UNC5B: variants seen among roughly 807,000 people sequenced by gnomAD.
The protein encoded by UNC5B is netrin receptor UNC5B.
UNC5B carries 56 observed loss-of-function variants against 103.7 expected under a neutral mutation model. The observed-to-expected ratio is 0.54, with a 90% confidence interval of 0.44 to 0.67. The LOEUF (loss-of-function observed/expected upper bound fraction) is 0.67. Among genes scored for constraint, UNC5B ranks in the 30% least tolerant of loss-of-function variants. The pLI, the probability that UNC5B is intolerant of heterozygous loss-of-function variation, is 0.00. For synonymous variants in UNC5B, 577 were observed against 542.0 expected (o/e 1.06, Z -0.90); for missense variants, 1,194 against 1,284.5 (o/e 0.93, Z 1.08).
At chr10:71,258,644 G>A (rs1425462593) in intron 1 of UNC5B, among the ~76,000 whole-genome samples, 3 of 152,222 alleles carry the variant, frequency 2.0e-5, no homozygotes, top group African/African-American at 7.2e-5. Flanking sequence ...GAAGGGACTT[G>A]TCCAAGGTCA....
intron 1 of UNC5B, among the ~76,000 whole-genome samples, chr10:71,214,273 G>A (rs1240250532): frequency 6.6e-6 from 1 of 151,742 alleles, no homozygotes; most frequent in Non-Finnish European, 1.5e-5. Flanking sequence ...CATAGCCAAA[G>A]ATTCCTCATT....
intron 1 of UNC5B, among the ~76,000 whole-genome samples, chr10:71,271,773 A>G (rs894936447): frequency 2.6e-5 from 4 of 152,200 alleles, no homozygotes; most frequent in African/African-American, 9.7e-5. Flanking sequence ...CCCCTTCAGG[A>G]TGCAGGCCCC....
At chr10:71,224,359 A>T (rs1843514826) in intron 1 of UNC5B, among the ~76,000 whole-genome samples, 1 of 137,526 alleles carries the variant, frequency 7.3e-6, no homozygotes, top group South Asian at 2.5e-4. Flanking sequence ...CCACTTCTGT[A>T]TGTAGACACA....
intron 1 of UNC5B, among the ~76,000 whole-genome samples, chr10:71,223,248 G>A (rs140832353): frequency 2.7e-4 from 41 of 152,332 alleles, no homozygotes; most frequent in African/African-American, 9.4e-4. Flanking sequence ...CTGGCACCCA[G>A]AAGGTACTGA....
intron 2 of UNC5B, among the ~76,000 whole-genome samples, chr10:71,283,680 G>A (rs576819922): frequency 6.6e-5 from 10 of 152,196 alleles, no homozygotes; most frequent in Non-Finnish European, 1.3e-4. Flanking sequence ...TCAGATGAAT[G>A]TCCCCTTTCC....
Position 71,297,895 on chromosome 10 carries a change from C to T in UNC5B, c.2491-14C>T. 1 of 1,606,320 alleles carries T rather than the reference C, an allele frequency of 6.2e-7. No homozygotes were observed. Among genetic ancestry groups the T allele is most frequent in the Non-Finnish European group, 8.5e-7 (1 of 1,176,606 alleles). On this transcript the variant is annotated splice_polypyrimidine_tract_variant and intron_variant, in intron 15 of 16. Coordinates refer to ENST00000335350, the MANE Select transcript of UNC5B (RefSeq NM_170744.5). ...GCACTGTGCCCCTCTCACTCTTGGC[C>T]CCCACCCTTGCAGACACCTGCTGGC...
At chr10:71,248,536 G>A (rs1324241011) in intron 1 of UNC5B, among the ~76,000 whole-genome samples, 1 of 152,116 alleles carries the variant, frequency 6.6e-6, no homozygotes, top group Non-Finnish European at 1.5e-5. Context: ...TGGGCCTAAA[G>A]GGCTTCAATT....
rs1370088812 is a variant in UNC5B, at chr10:71,297,004, C to T, written c.2490+262C>T. 2.9e-5 allele frequency among the ~76,000 whole-genome samples: 4 copies of T among 138,024 alleles called. 1 individual carries two copies. The highest frequency in any genetic ancestry group is 1.1e-4 in the African/African-American group (4 of 37,474). The allele number at this position is 138,024 out of a possible 152,430, so 90.5% of individuals were successfully genotyped here. On this transcript the variant is annotated intron_variant, in intron 15 of 16. Coordinates refer to ENST00000335350, the MANE Select transcript of UNC5B (RefSeq NM_170744.5). Reference sequence around the variant, plus strand: ...CACTCTGGTGGAGGTGAGGGAAGGGCGGCCAGATATTCCGGCTGCACAGCA... The same window carrying T: ...CACTCTGGTGGAGGTGAGGGAAGGGTGGCCAGATATTCCGGCTGCACAGCA...
intron 8 of UNC5B, among the ~76,000 whole-genome samples, chr10:71,289,378 G>A (rs922518507): frequency 3.3e-5 from 5 of 152,240 alleles, no homozygotes; most frequent in East Asian, 3.9e-4. Flanking sequence ...GGCCAAGGCC[G>A]GGACATCACC....
At chr10:71,284,625 T>A (rs10823716) in intron 2 of UNC5B, 95 bp from the exon 3 acceptor site, 1,460,505 of 1,561,944 alleles carry the variant, frequency 0.94, 683,153 homozygotes, top group Middle Eastern at 0.98. Context: ...TGGGCAAGAG[T>A]GCCAGCAGGA....
At position 71,286,708 on chromosome 10, in the gene UNC5B, A is replaced by G. The variant is rs200281596; in HGVS notation, c.572A>G (p.Glu191Gly). ...PVAEVEWLKN[E>G]DVIDPTQDTN... ...TTGCAGGTGGAATGGCTCAAGAATG[A>G]GGATGTCATCGACCCCACCCAGGAC... Residue 191 changes from glutamate (E) to glycine (G), a missense_variant, in exon 5 of 17, where the codon GAG becomes GGG. Coordinates refer to ENST00000335350, the MANE Select transcript of UNC5B (RefSeq NM_170744.5). The G allele has an allele frequency of 3.4e-5, 55 of 1,614,160 alleles. 1 individual carries two copies. The East Asian group carries it at 1.2e-3, about 35-fold the overall frequency.
intron 1 of UNC5B, among the ~76,000 whole-genome samples, chr10:71,248,865 TCTCA>T (rs1467082034): frequency 0.065 from 9,312 of 143,022 alleles, 347 homozygotes; most frequent in Non-Finnish European, 0.092. Context: ...TCTCTCTCTC[TCTCA>T]CACACACACA....
intron 1 of UNC5B, among the ~76,000 whole-genome samples, chr10:71,216,424 T>C (rs1564702317): frequency 1.3e-5 from 2 of 151,682 alleles, no homozygotes; most frequent in African/African-American, 2.4e-5. Context: ...AGGTCAGGAG[T>C]GAAGCTCTGA....
At chr10:71,257,799 C>T (rs1314777453) in intron 1 of UNC5B, among the ~76,000 whole-genome samples, 1 of 152,252 alleles carries the variant, frequency 6.6e-6, no homozygotes, top group Non-Finnish European at 1.5e-5. Flanking sequence ...CCTGGAATCA[C>T]TGCAGGCTGT....
chr10:71,215,514 T>C (rs941655115), intron 1 of UNC5B, among the ~76,000 whole-genome samples: 8 of 151,674 alleles, frequency 5.3e-5, no homozygotes, highest in African/African-American at 1.9e-4. Context: ...TTTACAGCAC[T>C]GAGAATATTT....
rs76574893 is a variant in UNC5B, at chr10:71,269,569, G to A, written c.80-10252G>A. ...GTAGCCCAGGTCAGCCCTCCTACCC[G>A]CTCCTGCTGCCCAAACCCCCTCTGA... On this transcript the variant is annotated intron_variant, in intron 1 of 16. Transcript: ENST00000335350. Among the ~76,000 whole-genome samples the A allele has an allele frequency of 3.2e-3, 487 of 152,058 alleles. 2 individuals carry two copies. The highest frequency in any genetic ancestry group is 0.01 in the African/African-American group (425 of 41,464).
chr10:71,263,691 G>A (rs1236831817), intron 1 of UNC5B, among the ~76,000 whole-genome samples: 1 of 152,184 alleles, frequency 6.6e-6, no homozygotes, highest in African/African-American at 2.4e-5. Flanking sequence ...TTTACATCAA[G>A]GGCAACCTGA....
Position 71,300,223 on chromosome 10 carries a change from T to C in UNC5B, c.*946T>C, listed in dbSNP as rs1024526801. 35 of 152,312 alleles carry C rather than the reference T, an allele frequency of 2.3e-4. No individual in the cohort carries two copies. The highest frequency in any genetic ancestry group is 7.9e-4 in the African/African-American group (33 of 41,560). The allele number at this position is 152,312 out of a possible 1,614,324, so 9.4% of individuals were successfully genotyped here. On this transcript the variant is annotated 3_prime_UTR_variant, in exon 17 of 17. Transcript: ENST00000335350. ...ACTGTCTAGATTTAGCTGGTTAGAT[T>C]TTCCTCTAAAATCTTAAGCAGATGC...
At chr10:71,224,544 C>G (rs573640500) in intron 1 of UNC5B, among the ~76,000 whole-genome samples, 16 of 152,308 alleles carry the variant, frequency 1.1e-4, no homozygotes, top group Admixed American at 5.2e-4. Flanking sequence ...GACATTGGGC[C>G]AGTCCTTTTC....
Sources: gnomAD v4.1 joint callset for allele counts (sites outside exome capture counted in the v4.1 genomes callset) on GRCh38, gnomAD v4.1.1 for gene constraint, MANE v1.5 for transcripts, NCBI Gene and HGNC (gene_info 2026-07-23, HGNC 2026-07-21) for gene names.